MED26: variants seen among roughly 807,000 people sequenced by gnomAD.
The protein encoded by MED26 is mediator complex subunit 26, also known as mediator of RNA polymerase II transcription subunit 26.
In MED26, 7 loss-of-function variants were observed where a neutral mutation model predicts 43.7. The observed-to-expected ratio is 0.16, with a 90% CI of 0.09 to 0.30. The LOEUF (loss-of-function observed/expected upper bound fraction) is 0.30, where lower values mean the gene tolerates loss of function less well. Ranked by LOEUF, MED26 falls within the 10% of genes least tolerant of loss-of-function variation. The probability of loss-of-function intolerance (pLI) is 1.00; values close to 1 mark genes in which losing one functional copy is unlikely to be tolerated. For missense variants in MED26, 784 were observed against 840.6 expected, an observed-to-expected ratio of 0.93 and a Z score of 0.83; for synonymous variants, 375 against 371.1, an observed-to-expected ratio of 1.01 and a Z score of -0.12.
At chr19:16,605,949 A>G (rs926556079) in intron 1 of MED26, among the ~76,000 whole-genome samples, 7 of 152,210 alleles carry the variant, frequency 4.6e-5, no homozygotes, top group African/African-American at 1.7e-4. Flanking sequence ...CTGTGTGCGG[A>G]TATTCGTGCA....
intron 1 of MED26, among the ~76,000 whole-genome samples, chr19:16,594,582 T>C (rs1338416407): frequency 1.3e-5 from 2 of 152,110 alleles, no homozygotes; most frequent in Admixed American, 1.3e-4. Context: ...GGCACTGAAG[T>C]GGCCTGCAGA....
intron 1 of MED26, among the ~76,000 whole-genome samples, chr19:16,616,949 C>T (rs575469155): frequency 3.9e-5 from 6 of 152,236 alleles, no homozygotes; most frequent in East Asian, 1.9e-4. Flanking sequence ...GACAACCTGG[C>T]GTGACAAACA....
At chr19:16,610,837 C>T (rs1001692446) in intron 1 of MED26, 56 of 152,370 alleles carry the variant, frequency 3.7e-4, no homozygotes, top group African/African-American at 1.3e-3. Context: ...AGGGCATGGG[C>T]TCTGTATAAT....
intron 1 of MED26, among the ~76,000 whole-genome samples, chr19:16,589,835 C>T (rs773155323): frequency 1.6e-4 from 25 of 152,236 alleles, no homozygotes; most frequent in Non-Finnish European, 3.5e-4. Flanking sequence ...CCTCATCCTA[C>T]AGAAACAGAT....
In MED26 at chr19:16,608,973, A is replaced by G. The variant is rs532717016; in HGVS notation, c.72+18899T>C. Among the ~76,000 whole-genome samples, 202 of 152,218 alleles carry G rather than the reference A, an allele frequency of 1.3e-3. 1 individual carries two copies. The highest frequency in any genetic ancestry group is 2.1e-3 in the Non-Finnish European group (144 of 68,036). ...AATATTCTTATAGTACAGGTATTTG[A>G]AAACTATTATCTAATTCAGCAAAGA... is the stretch of plus-strand genomic sequence containing the variant. On this transcript the variant is annotated intron_variant, in intron 1 of 2. Coordinates refer to ENST00000263390, the MANE Select transcript of MED26 (RefSeq NM_004831.5).
chr19:16,623,467 G>A (rs924416131), intron 1 of MED26, among the ~76,000 whole-genome samples: 1 of 152,200 alleles, frequency 6.6e-6, no homozygotes, highest in Non-Finnish European at 1.5e-5. Context: ...TATCAAAAGT[G>A]CTGTAATGTT....
At chr19:16,619,826 C>T (rs936390608) in intron 1 of MED26, among the ~76,000 whole-genome samples, 1 of 152,224 alleles carries the variant, frequency 6.6e-6, no homozygotes, top group Non-Finnish European at 1.5e-5. Context: ...ACGAGGCTGA[C>T]CCACCACCAG....
intron 1 of MED26, among the ~76,000 whole-genome samples, chr19:16,613,755 G>A (rs2086210363): frequency 6.6e-6 from 1 of 152,200 alleles, no homozygotes; most frequent in African/African-American, 2.4e-5. Context: ...AAGAGTTGAT[G>A]CTGCTGTCCT....
Position 16,575,965 on chromosome 19 carries a change from C to T in MED26, c.*62G>A. The T allele has an allele frequency of 1.3e-6, 2 of 1,517,118 alleles. No homozygotes were observed. The highest frequency in any genetic ancestry group is 8.9e-7 in the Non-Finnish European group (1 of 1,118,688). 94.0% of individuals were successfully genotyped at this position (1,517,118 alleles called of 1,614,324 possible). A position where few individuals can be genotyped will look rare whatever the true frequency, so the allele number is the denominator to read the frequency against. On this transcript the variant is annotated 3_prime_UTR_variant, in exon 3 of 3. Coordinates refer to ENST00000263390, the MANE Select transcript of MED26 (RefSeq NM_004831.5). ...CAGCTGGGCCCCGGCCACCTGCCCA[C>T]CTGCCTGCCCGCCCACCCGGCTTCT...
chr19:16,581,193 C>T (rs965551530), intron 1 of MED26, among the ~76,000 whole-genome samples: 1 of 105,830 alleles, frequency 9.4e-6, no homozygotes, highest in African/African-American at 3.9e-5. Context: ...TTGGCAACAA[C>T]GGCCTTGCCT....
intron 1 of MED26, among the ~76,000 whole-genome samples, chr19:16,619,050 C>T (rs2086238748): frequency 6.6e-6 from 1 of 152,202 alleles, no homozygotes; most frequent in Non-Finnish European, 1.5e-5. Flanking sequence ...AAGCTCCTGC[C>T]ACCAGCACAG....
chr19:16,612,818 C>G (rs558729650), intron 1 of MED26, among the ~76,000 whole-genome samples: 2 of 152,290 alleles, frequency 1.3e-5, no homozygotes, highest in African/African-American at 4.8e-5. Flanking sequence ...GTTCTACAAC[C>G]AATTTCTTCC....
Position 16,586,587 on chromosome 19 carries a change from G to A in MED26, c.73-8178C>T, listed in dbSNP as rs756477526. On this transcript the variant is annotated intron_variant, in intron 1 of 2. Coordinates refer to ENST00000263390, the MANE Select transcript of MED26 (RefSeq NM_004831.5). The surrounding 1 kb of genome is among the most constrained non-coding windows in gnomAD (Gnocchi z 5.1). ...TGTCCCCAGGATGCCTGAGAGGCAG[G>A]ACCAGGGTGACCCAGGCATGCACGG... Among the ~76,000 whole-genome samples, 1 of 152,252 alleles carries A rather than the reference G, an allele frequency of 6.6e-6. No individual in the cohort carries two copies. Among genetic ancestry groups the A allele is most frequent in the Non-Finnish European group, 1.5e-5 (1 of 68,048 alleles).
At chr19:16,595,241 C>T (rs2086115033) in intron 1 of MED26, among the ~76,000 whole-genome samples, 1 of 152,210 alleles carries the variant, frequency 6.6e-6, no homozygotes, top group South Asian at 2.1e-4. Context: ...CAACTCGTGA[C>T]ACGTGCGCAC....
chr19:16,592,978 C>A (rs1334952238), intron 1 of MED26, among the ~76,000 whole-genome samples: 6 of 152,238 alleles, frequency 3.9e-5, no homozygotes, highest in Non-Finnish European at 1.5e-5. Flanking sequence ...AAACCTCCCA[C>A]AGGACTGGCC....
intron 1 of MED26, among the ~76,000 whole-genome samples, chr19:16,596,542 C>T (rs2086120713): frequency 6.6e-6 from 1 of 152,236 alleles, no homozygotes; most frequent in Non-Finnish European, 1.5e-5. Flanking sequence ...CTGCACGCTG[C>T]CACACCCAGC....
chr19:16,577,629 C>T lies in MED26; in HGVS notation c.201G>A (p.Glu67=). Residue 67 remains glutamate (E), a synonymous_variant, in exon 3 of 3, where the codon GAG becomes GAA. Transcript: ENST00000263390. The surrounding 1 kb of genome is among the most constrained non-coding windows in gnomAD (Gnocchi z 8.1). The stretch of plus-strand genomic sequence containing the variant: ...GCTTCTTGGCCCGCTTGGCGAGCTC[C>T]TCGTTCTTGGTTTTCTTGCGGACGT... ...INDVRKKTKN[E]ELAKRAKKLL... The T allele has an allele frequency of 1.3e-6, 2 of 1,593,016 alleles. No individual in the cohort carries two copies. The highest frequency in any genetic ancestry group is 2.2e-5 in the South Asian group (2 of 90,276).
intron 1 of MED26, among the ~76,000 whole-genome samples, chr19:16,620,568 C>T (rs1221958340): frequency 6.6e-6 from 1 of 152,222 alleles, no homozygotes; most frequent in East Asian, 1.9e-4. Context: ...ACCTGCTCTC[C>T]TACTTGGGCA....
At chr19:16,609,727 C>T (rs2086191030) in intron 1 of MED26, among the ~76,000 whole-genome samples, 2 of 151,866 alleles carry the variant, frequency 1.3e-5, no homozygotes, top group Admixed American at 1.3e-4. Context: ...TTCAACATTA[C>T]ATATAAATGA....
Sources: allele counts gnomAD v4.1 joint callset (sites outside exome capture counted in the v4.1 genomes callset), GRCh38; gene constraint gnomAD v4.1.1; non-coding constraint Gnocchi (gnomAD v3.1); transcripts MANE v1.5; gene names NCBI Gene and HGNC (gene_info 2026-07-23, HGNC 2026-07-21).